EPS8: variants seen among roughly 807,000 people sequenced by gnomAD.
EPS8 encodes epidermal growth factor receptor kinase substrate 8.
A neutral mutation model predicts 103.8 loss-of-function variants in EPS8; 42 were observed. The ratio of observed to expected loss-of-function variants is 0.40; its 90% CI spans 0.32 to 0.52. EPS8 has a LOEUF of 0.52. EPS8 is among the 20% of genes least tolerant of loss of function. The pLI is 0.40. For synonymous variants in EPS8, 344 were observed against 344.6 expected (o/e 1.00, Z 0.02); for missense variants, 969 against 1,005.1 (o/e 0.96, Z 0.49).
intron 3 of EPS8, among the ~76,000 whole-genome samples, chr12:15,674,455 A>G (rs889894615): frequency 5.3e-5 from 8 of 152,168 alleles, no homozygotes; most frequent in Non-Finnish European, 1.2e-4. Flanking sequence ...TATCTATTCC[A>G]TAGGGGAGAG....
chr12:15,737,166 A>C (rs1435556939), intron 1 of EPS8, among the ~76,000 whole-genome samples: 1 of 152,138 alleles, frequency 6.6e-6, no homozygotes, highest in Non-Finnish European at 1.5e-5. Context: ...AGCTCAGTAG[A>C]AAATACCACC....
rs1054866256 is a variant in EPS8, at chr12:15,777,252, G to A, written c.-22+11909C>T. ...TCTAAAATTCCCTACAGTGATAAGG[G>A]GTACTTACAAAGCAGAATGAAAAAA... On this transcript the variant is annotated intron_variant, in intron 1 of 20. Transcript: ENST00000281172. The surrounding 1 kb of genome is among the most constrained non-coding windows in gnomAD (Gnocchi z 4.7). Among the ~76,000 whole-genome samples the A allele has an allele frequency of 2.0e-5, 3 of 151,080 alleles. No homozygotes were observed. Among genetic ancestry groups the A allele is most frequent in the African/African-American group, 7.3e-5 (3 of 41,064 alleles).
At chr12:15,667,984 C>CT (rs921545858) in intron 6 of EPS8, among the ~76,000 whole-genome samples, 57 of 152,034 alleles carry the variant, frequency 3.7e-4, no homozygotes, top group African/African-American at 1.4e-3. Flanking sequence ...CCGGGGGGGG[C>CT]TTTTTAGAAC....
chr12:15,679,706 C>A (rs1438300535), intron 3 of EPS8, among the ~76,000 whole-genome samples: 1 of 152,174 alleles, frequency 6.6e-6, no homozygotes, highest in African/African-American at 2.4e-5. Flanking sequence ...GCACATTTAG[C>A]CCTTTATTAT....
intron 1 of EPS8, among the ~76,000 whole-genome samples, chr12:15,754,687 T>G (rs541420746): frequency 6.6e-6 from 1 of 152,212 alleles, no homozygotes; most frequent in Non-Finnish European, 1.5e-5. Flanking sequence ...TCCAAGTAAA[T>G]AGTCCACAAG....
At chr12:15,645,747 A>T (rs758586072) in intron 15 of EPS8, among the ~76,000 whole-genome samples, 34 of 152,282 alleles carry the variant, frequency 2.2e-4, no homozygotes, top group Non-Finnish European at 4.9e-4. Flanking sequence ...ACTCTCATGC[A>T]CTTATTCATC....
intron 1 of EPS8, among the ~76,000 whole-genome samples, chr12:15,743,653 A>C (rs968940670): frequency 1.3e-5 from 2 of 152,132 alleles, no homozygotes; most frequent in East Asian, 1.9e-4. Flanking sequence ...CAAAAACAAG[A>C]AATGGGGAAA....
intron 1 of EPS8, among the ~76,000 whole-genome samples, chr12:15,755,812 C>G (rs578215152): frequency 6.6e-6 from 1 of 152,284 alleles, no homozygotes; most frequent in East Asian, 1.9e-4. Flanking sequence ...ACTCTTTACT[C>G]TGTAGTTTTG....
chr12:15,775,477 C>T (rs892609936), intron 1 of EPS8, among the ~76,000 whole-genome samples: 1 of 152,046 alleles, frequency 6.6e-6, no homozygotes, highest in African/African-American at 2.4e-5. Context: ...TTGTAAAATA[C>T]ATGTAATTTG....
chr12:15,665,794 A>G lies in EPS8; in HGVS notation c.698T>C (p.Val233Ala). 1 of 1,613,420 alleles carries G rather than the reference A, an allele frequency of 6.2e-7. No homozygotes were observed. The highest frequency in any genetic ancestry group is 8.5e-7 in the Non-Finnish European group (1 of 1,179,788). The change falls in exon 8 of 21, where the codon GTG becomes GCG. Residue 233 changes from valine (V) to alanine (A), a missense_variant. By Grantham distance (64) the Val-to-Ala change is moderately conservative. Coordinates refer to ENST00000281172, the MANE Select transcript of EPS8 (RefSeq NM_004447.6). The stretch of plus-strand genomic sequence containing the variant: ...GGCTGCCCATGCAGACCAGGCTGCC[A>G]CTCGACTTCTAACATCCACCTGGGT... ...TVTQVDVRSR[V>A]AAWSAWAADQ...
chr12:15,643,526 G>C (rs1345255527), intron 15 of EPS8, among the ~76,000 whole-genome samples: 1 of 152,080 alleles, frequency 6.6e-6, no homozygotes, highest in East Asian at 1.9e-4. Context: ...GATCACCTGA[G>C]GTCAGGAGTT....
chr12:15,719,550 A>G (rs1271841722), intron 1 of EPS8, among the ~76,000 whole-genome samples: 1 of 152,234 alleles, frequency 6.6e-6, no homozygotes, highest in African/African-American at 2.4e-5. Flanking sequence ...ACATGATCTG[A>G]AGCTGAATGC....
chr12:15,633,150 T>C (rs1333309153), intron 17 of EPS8, among the ~76,000 whole-genome samples: 3 of 152,114 alleles, frequency 2.0e-5, no homozygotes, highest in Non-Finnish European at 4.4e-5. Context: ...TTAGAAATAT[T>C]TTTAATGTAT....
rs977017625 is a variant in EPS8, at chr12:15,787,194, A to G, written c.-22+1967T>C. 6.6e-6 allele frequency among the ~76,000 whole-genome samples: 1 copy of G among 152,198 alleles called. No homozygotes were observed. Among genetic ancestry groups the G allele is most frequent in the Admixed American group, 6.5e-5 (1 of 15,284 alleles). On this transcript the variant is annotated intron_variant, in intron 1 of 20. Coordinates refer to ENST00000281172, the MANE Select transcript of EPS8 (RefSeq NM_004447.6). The surrounding 1 kb of genome is among the most constrained non-coding windows in gnomAD (Gnocchi z 4.9). ...GCTGCAGAATTAAAAGAGGTATGTA[A>G]AAGAAGGGAGTAGAGAGAAGAATAA... is the stretch of plus-strand genomic sequence containing the variant.
In EPS8 at chr12:15,777,270, TG is replaced by T. The variant is rs1947216211; in HGVS notation, c.-22+11890del. On this transcript the variant is annotated intron_variant, in intron 1 of 20. Transcript: ENST00000281172. This position sits in a 1 kb window ranked among gnomAD's most constrained non-coding sequence, Gnocchi z 4.7. ...GATAAGGGGTACTTACAAAGCAGAA[TG>T]AAAAAAAACACACACACACACACAA... Among the ~76,000 whole-genome samples, 1 of 151,008 alleles carries T rather than the reference TG, an allele frequency of 6.6e-6. No individual in the cohort carries two copies. The highest frequency in any genetic ancestry group is 2.1e-4 in the South Asian group (1 of 4,804).
intron 18 of EPS8, among the ~76,000 whole-genome samples, chr12:15,627,347 G>C (rs752987046): frequency 2.0e-5 from 3 of 152,020 alleles, no homozygotes; most frequent in Non-Finnish European, 2.9e-5. Flanking sequence ...TAAAATATAA[G>C]CCTGAGGAGA....
Position 15,778,125 on chromosome 12 carries a change from ATAT to A in EPS8, c.-22+11033_-22+11035del, listed in dbSNP as rs1317997521. 4.6e-5 allele frequency among the ~76,000 whole-genome samples: 7 copies of A among 152,228 alleles called. No individual in the cohort carries two copies. The highest frequency in any genetic ancestry group is 1.0e-4 in the Non-Finnish European group (7 of 68,048). ...TTATAATTTTTCCAATTTTTCTTAC[ATAT>A]TATTGTTCAGGCTAGGCCACCATGG... On this transcript the variant is annotated intron_variant, in intron 1 of 20. Transcript: ENST00000281172. The surrounding 1 kb of genome is among the most constrained non-coding windows in gnomAD (Gnocchi z 4.5).
chr12:15,667,153 T>A (rs1158236232), intron 6 of EPS8, among the ~76,000 whole-genome samples: 1 of 152,208 alleles, frequency 6.6e-6, no homozygotes, highest in Non-Finnish European at 1.5e-5. Flanking sequence ...AAAGTTTGTT[T>A]AGAGCCAGTG....
chr12:15,713,847 T>C lies in EPS8; in HGVS notation c.-21-30875A>G, dbSNP rs1415215188. The stretch of plus-strand genomic sequence containing the variant: ...ATCTGGGTGAAGAGGACAGGGGAAA[T>C]GCTATAAATGCTATAAGAAATTAAA... On this transcript the variant is annotated intron_variant, in intron 1 of 20. Transcript: ENST00000281172. The surrounding 1 kb of genome is among the most constrained non-coding windows in gnomAD (Gnocchi z 4.8). Among the ~76,000 whole-genome samples the C allele has an allele frequency of 2.0e-5, 3 of 152,164 alleles. No individual in the cohort carries two copies. The highest frequency in any genetic ancestry group is 4.4e-5 in the Non-Finnish European group (3 of 68,040).
Sources: allele counts gnomAD v4.1 joint callset (sites outside exome capture counted in the v4.1 genomes callset), GRCh38; gene constraint gnomAD v4.1.1; non-coding constraint Gnocchi (gnomAD v3.1); transcripts MANE v1.5; gene names NCBI Gene and HGNC (gene_info 2026-07-23, HGNC 2026-07-21).